Variants in MSRB3 observed in about 807,000 individuals in gnomAD.
MSRB3 encodes methionine sulfoxide reductase B3, also known as methionine-R-sulfoxide reductase B3.
In MSRB3, 13 loss-of-function variants were observed where a neutral mutation model predicts 21.0. The observed-to-expected ratio is 0.62, with a 90% confidence interval of 0.40 to 0.98. The LOEUF is 0.98. MSRB3 is among the 50% of genes least tolerant of loss of function. The probability of loss-of-function intolerance (pLI) is 0.00; values close to 1 mark genes in which losing one functional copy is unlikely to be tolerated. For missense variants in MSRB3, 199 were observed against 230.3 expected (o/e 0.86, Z 0.88); for synonymous variants, 87 against 88.6 (o/e 0.98, Z 0.10).
Position 65,466,594 on chromosome 12 carries a change from G to GA in MSRB3, c.*3273dup, listed in dbSNP as rs780580929. 1.3e-5 allele frequency: 2 copies of GA among 152,174 alleles called. No individual in the cohort carries two copies. The highest frequency in any genetic ancestry group is 2.9e-5 in the Non-Finnish European group (2 of 68,028). 9.4% of individuals were successfully genotyped at this position (152,174 alleles called of 1,614,324 possible). A position where few individuals can be genotyped will look rare whatever the true frequency, so the allele number is the denominator to read the frequency against. On this transcript the variant is annotated 3_prime_UTR_variant, in exon 7 of 7. Transcript: ENST00000308259. Reference sequence around the variant, plus strand: ...AAGAAAGCAGCAATATCTGTTACTAGAGAACATTCCCATGTGTTTAAACTC... The same window carrying GA: ...AAGAAAGCAGCAATATCTGTTACTAGAAGAACATTCCCATGTGTTTAAACTC...
intron 5 of MSRB3, among the ~76,000 whole-genome samples, chr12:65,388,645 G>A (rs1006189088): frequency 5.9e-5 from 9 of 152,074 alleles, no homozygotes; most frequent in Non-Finnish European, 1.2e-4. Context: ...CTGAGGTGGC[G>A]GATGGCTTGA....
Position 65,368,938 on chromosome 12 carries a change from G to A in MSRB3, c.264-60G>A, listed in dbSNP as rs557557890. On this transcript the variant is annotated intron_variant, in intron 4 of 6. Transcript: ENST00000308259. ...TCCCAACCACACCCCCCCCCCCCATGAAATAATTGTTCTTTTACAAACAGT... is the reference window on the plus strand; with the variant it reads ...TCCCAACCACACCCCCCCCCCCCATAAAATAATTGTTCTTTTACAAACAGT... 223 of 489,430 alleles carry A rather than the reference G, an allele frequency of 4.6e-4. 1 individual carries two copies. In the African/African-American group the frequency reaches 5.6e-3, roughly 12 times the overall value. The allele number at this position is 489,430 out of a possible 1,614,324, so 30.3% of individuals were successfully genotyped here.
At chr12:65,327,294 A>C (rs1409682437) in intron 3 of MSRB3, among the ~76,000 whole-genome samples, 1 of 152,260 alleles carries the variant, frequency 6.6e-6, no homozygotes, top group Non-Finnish European at 1.5e-5. Context: ...GGATGCTGAA[A>C]TTTTGAAGGT....
intron 5 of MSRB3, among the ~76,000 whole-genome samples, chr12:65,421,682 G>A (rs1247540816): frequency 1.3e-5 from 2 of 152,242 alleles, no homozygotes; most frequent in East Asian, 1.9e-4. Context: ...CAAATGCTGA[G>A]GAAGTTTTTT....
At position 65,361,283 on chromosome 12, in the gene MSRB3, T is replaced by G. The variant is rs140262250; in HGVS notation, c.264-7715T>G. ...CAAACGTTTTTAAAGGTGAATATGT[T>G]ACCTGTTTTATAGATGGTAAGACTC... is the stretch of plus-strand genomic sequence containing the variant. On this transcript the variant is annotated intron_variant, in intron 4 of 6. Transcript: ENST00000308259. Among the ~76,000 whole-genome samples, 4 of 152,256 alleles carry G rather than the reference T, an allele frequency of 2.6e-5. No individual in the cohort carries two copies. The East Asian group carries it at 7.7e-4, about 29-fold the overall frequency.
chr12:65,345,177 G>C (rs948143020), intron 4 of MSRB3, among the ~76,000 whole-genome samples: 1 of 152,044 alleles, frequency 6.6e-6, no homozygotes, highest in African/African-American at 2.4e-5. Flanking sequence ...AGTTTTGGAA[G>C]CCTGATAGAT....
At position 65,328,538 on chromosome 12, in the gene MSRB3, A is replaced by G. The variant is rs183150969; in HGVS notation, c.198A>G (p.Gly66=). The change falls in exon 4 of 7, where the codon GGA becomes GGG. Residue 66 remains glycine (G), a synonymous_variant. Transcript: ENST00000308259. ...QEKGTESAFE[G]EYTHHKDPGI... The stretch of plus-strand genomic sequence containing the variant: ...GTTTATTTATCAGTGCCTTTGAAGG[A>G]GAATACACACATCACAAAGATCCTG... 1.2e-6 allele frequency: 2 copies of G among 1,609,658 alleles called. No individual in the cohort carries two copies. The highest frequency in any genetic ancestry group is 1.3e-5 in the African/African-American group (1 of 74,842).
intron 4 of MSRB3, among the ~76,000 whole-genome samples, chr12:65,353,676 T>C (rs1877190664): frequency 6.6e-6 from 1 of 152,208 alleles, no homozygotes; most frequent in Non-Finnish European, 1.5e-5. Context: ...TGACTCTTTA[T>C]CCAATTTGCC....
intron 6 of MSRB3, among the ~76,000 whole-genome samples, chr12:65,456,504 T>G (rs550371485): frequency 6.6e-6 from 1 of 152,300 alleles, no homozygotes; most frequent in South Asian, 2.1e-4. Context: ...AATGCCAAAA[T>G]TAGGCAACAT....
chr12:65,392,546 G>A (rs1049311128), intron 5 of MSRB3, among the ~76,000 whole-genome samples: 1 of 152,072 alleles, frequency 6.6e-6, no homozygotes, highest in Non-Finnish European at 1.5e-5. Flanking sequence ...TGATTCCCAA[G>A]TAATACCTTT....
At chr12:65,346,331 G>C (rs1028807434) in intron 4 of MSRB3, among the ~76,000 whole-genome samples, 5 of 152,128 alleles carry the variant, frequency 3.3e-5, no homozygotes, top group Admixed American at 6.6e-5. Flanking sequence ...TTCTCTGATG[G>C]CCAGTGATGG....
At chr12:65,364,878 A>T (rs1399794923) in intron 4 of MSRB3, among the ~76,000 whole-genome samples, 2 of 152,326 alleles carry the variant, frequency 1.3e-5, no homozygotes, top group Non-Finnish European at 2.9e-5. Context: ...TGTTTTAATT[A>T]TCAATAGAGT....
chr12:65,451,288 T>A (rs1882848248), intron 5 of MSRB3, among the ~76,000 whole-genome samples: 1 of 152,184 alleles, frequency 6.6e-6, no homozygotes, highest in South Asian at 2.1e-4. Context: ...TGACTGTCTC[T>A]TCTAATGTTT....
chr12:65,464,695 C>G lies in MSRB3; in HGVS notation c.*1373C>G, dbSNP rs1205960585. On this transcript the variant is annotated 3_prime_UTR_variant, in exon 7 of 7. Coordinates refer to ENST00000308259, the MANE Select transcript of MSRB3 (RefSeq NM_001031679.3). ...GAGCAGAGAAGATCAAGGATGAAGT[C>G]TTGGGTACTGAAAAATTCAGTGCTG... 1.3e-5 allele frequency: 2 copies of G among 152,238 alleles called. No individual in the cohort carries two copies. Among genetic ancestry groups the G allele is most frequent in the Non-Finnish European group, 2.9e-5 (2 of 68,124 alleles). The allele number at this position is 152,238 out of a possible 1,614,324, so 9.4% of individuals were successfully genotyped here. A position where few individuals can be genotyped will look rare whatever the true frequency, so the allele number is the denominator to read the frequency against.
chr12:65,284,112 A>G (rs563846987), intron 1 of MSRB3: 2 of 152,358 alleles, frequency 1.3e-5, no homozygotes, highest in Middle Eastern at 6.8e-3. Context: ...GAATAGTGGG[A>G]CAATAAAGTA....
intron 5 of MSRB3, among the ~76,000 whole-genome samples, chr12:65,410,806 T>C (rs1880676980): frequency 6.6e-6 from 1 of 152,192 alleles, no homozygotes; most frequent in Admixed American, 6.5e-5. Context: ...TGTCATAATT[T>C]AGTAAACACT....
chr12:65,373,242 T>C (rs1878420359), intron 5 of MSRB3, among the ~76,000 whole-genome samples: 1 of 152,184 alleles, frequency 6.6e-6, no homozygotes, highest in African/African-American at 2.4e-5. Flanking sequence ...ATTCTGGGTA[T>C]AAGGATATAG....
chr12:65,443,074 G>A (rs537225155), intron 5 of MSRB3, among the ~76,000 whole-genome samples: 96 of 152,156 alleles, frequency 6.3e-4, no homozygotes, highest in Admixed American at 1.7e-3. Flanking sequence ...AGGAGTTGCC[G>A]AGACATTTTG....
At chr12:65,357,033 G>A (rs1877424460) in intron 4 of MSRB3, among the ~76,000 whole-genome samples, 2 of 151,780 alleles carry the variant, frequency 1.3e-5, no homozygotes, top group East Asian at 1.9e-4. Context: ...AGTAGCTCAC[G>A]AGAATAAACC....
Sources: gnomAD v4.1 joint callset for allele counts (sites outside exome capture counted in the v4.1 genomes callset) on GRCh38, gnomAD v4.1.1 for gene constraint, MANE v1.5 for transcripts, NCBI Gene and HGNC (gene_info 2026-07-23, HGNC 2026-07-21) for gene names.